Variants in CSMD1 observed in about 807,000 individuals in gnomAD.
CSMD1 encodes the protein CUB and Sushi multiple domains 1.
A neutral mutation model predicts 417.5 loss-of-function variants in CSMD1; 213 were observed. The ratio of observed to expected loss-of-function variants is 0.51; its 90% confidence interval spans 0.46 to 0.57. The LOEUF is 0.57. Ranked by LOEUF, CSMD1 falls within the 20% of genes least tolerant of loss-of-function variation. The probability of loss-of-function intolerance (pLI) is 0.00; values close to 1 mark genes in which losing one functional copy is unlikely to be tolerated. For synonymous variants in CSMD1, 2,862 were observed against 1,736.8 expected, an observed-to-expected ratio of 1.65 and a Z score of -16.11; for missense variants, 6,923 against 4,529.7, an observed-to-expected ratio of 1.53 and a Z score of -15.17.
chr8:3,048,082 A>G (rs890412665), intron 50 of CSMD1, among the ~76,000 whole-genome samples: 1 of 152,224 alleles, frequency 6.6e-6, no homozygotes, highest in Non-Finnish European at 1.5e-5. Flanking sequence ...CACTGAGATG[A>G]TGTATCTGTG....
chr8:4,156,859 T>A (rs192815028), intron 3 of CSMD1, among the ~76,000 whole-genome samples: 1 of 152,186 alleles, frequency 6.6e-6, no homozygotes, highest in Non-Finnish European at 1.5e-5. Context: ...TTTTAATTTA[T>A]CTGAGCTTAA....
intron 2 of CSMD1, among the ~76,000 whole-genome samples, chr8:4,545,669 G>A (rs950359682): frequency 9.2e-5 from 14 of 152,270 alleles, no homozygotes; most frequent in African/African-American, 3.4e-4. Flanking sequence ...TTCCCAGTGT[G>A]CAGTGAGACA....
intron 33 of CSMD1, among the ~76,000 whole-genome samples, chr8:3,192,552 T>A (rs944421876): frequency 6.6e-6 from 1 of 152,228 alleles, no homozygotes; most frequent in Admixed American, 6.5e-5. Flanking sequence ...GCCCTTTAAA[T>A]AGGTCACGAG....
At chr8:3,621,395 A>G (rs1245248108) in intron 7 of CSMD1, among the ~76,000 whole-genome samples, 1 of 152,156 alleles carries the variant, frequency 6.6e-6, no homozygotes, top group Non-Finnish European at 1.5e-5. Context: ...TCAAAGTCAG[A>G]GAGCCAGAAA....
intron 1 of CSMD1, among the ~76,000 whole-genome samples, chr8:4,979,819 C>G (rs1810775071): frequency 6.6e-6 from 1 of 152,134 alleles, no homozygotes. Context: ...GGGTGGATCA[C>G]TAGGTCAGCA....
At chr8:3,733,265 C>CAT (rs1217210972) in intron 6 of CSMD1, among the ~76,000 whole-genome samples, 25 of 136,760 alleles carry the variant, frequency 1.8e-4, no homozygotes, top group Middle Eastern at 3.9e-3. Context: ...TATACACATA[C>CAT]ACATATTTAT....
chr8:3,925,648 C>G (rs1019483418), intron 5 of CSMD1, among the ~76,000 whole-genome samples: 12 of 152,096 alleles, frequency 7.9e-5, no homozygotes, highest in South Asian at 2.1e-4. Flanking sequence ...ATGGGCTTAT[C>G]AGAGGTTTCC....
At chr8:4,122,907 C>G (rs1802566079) in intron 3 of CSMD1, among the ~76,000 whole-genome samples, 1 of 152,196 alleles carries the variant, frequency 6.6e-6, no homozygotes, top group South Asian at 2.1e-4. Context: ...CTACGAGACC[C>G]TTTAAGGACA....
intron 5 of CSMD1, among the ~76,000 whole-genome samples, chr8:3,972,330 G>A (rs1318166893): frequency 2.0e-5 from 3 of 152,188 alleles, no homozygotes; most frequent in East Asian, 1.9e-4. Flanking sequence ...TTCCAAGATT[G>A]TCACTTTTTC....
intron 12 of CSMD1, among the ~76,000 whole-genome samples, chr8:3,466,268 T>C (rs1260700221): frequency 6.6e-6 from 1 of 152,124 alleles, no homozygotes; most frequent in African/African-American, 2.4e-5. Context: ...AAGGTTCAGT[T>C]ACTGGGCAGC....
intron 3 of CSMD1, among the ~76,000 whole-genome samples, chr8:4,264,149 T>C (rs147210269): frequency 4.6e-5 from 7 of 152,336 alleles, no homozygotes; most frequent in Admixed American, 4.6e-4. Context: ...CACCTACTAC[T>C]CAGCTCTTGG....
intron 38 of CSMD1, among the ~76,000 whole-genome samples, chr8:3,161,666 G>C (rs889958395): frequency 1.4e-5 from 2 of 145,478 alleles, no homozygotes; most frequent in Non-Finnish European, 1.5e-5. Flanking sequence ...ATAGAAGATA[G>C]TAAAAGTTCA....
chr8:4,014,407 A>T (rs1267586198), intron 4 of CSMD1, among the ~76,000 whole-genome samples: 1 of 152,152 alleles, frequency 6.6e-6, no homozygotes, highest in East Asian at 1.9e-4. Context: ...ATGATTTAAC[A>T]CTAATCTTCT....
intron 48 of CSMD1, 28 bp from the exon 49 acceptor site, chr8:3,087,313 T>A: frequency 6.2e-7 from 1 of 1,606,696 alleles, no homozygotes; most frequent in Non-Finnish European, 8.5e-7. Flanking sequence ...CACACAGAAA[T>A]AAGTCAACAA....
intron 3 of CSMD1, among the ~76,000 whole-genome samples, chr8:4,082,494 C>A (rs977779765): frequency 1.3e-5 from 2 of 152,032 alleles, no homozygotes; most frequent in Admixed American, 6.6e-5. Flanking sequence ...ATTTTGATAA[C>A]AAAGTCTGTC....
rs72331833 is a variant in CSMD1 at position 3,720,620 on chromosome 8, T to TTCACACACACACACAC, written c.932-12130_932-12129insGTGTGTGTGTGTGTGA. Among the ~76,000 whole-genome samples, 1,230 of 143,404 alleles carry TTCACACACACACACAC rather than the reference T, an allele frequency of 8.6e-3. 15 individuals carry two copies. Among genetic ancestry groups the TTCACACACACACACAC allele is most frequent in the Middle Eastern group, 0.017 (5 of 288 alleles). 94.1% of individuals were successfully genotyped at this position (143,404 alleles called of 152,430 possible). A position where few individuals can be genotyped will look rare whatever the true frequency, so the allele number is the denominator to read the frequency against. ...CATTGGTGGTCAAAGTCTTTATTCT[T>TTCACACACACACACAC]ACACACACACACACACACACACACA... On this transcript the variant is annotated intron_variant, in intron 6 of 69. Coordinates refer to ENST00000635120, the MANE Select transcript of CSMD1 (RefSeq NM_033225.6).
intron 3 of CSMD1, among the ~76,000 whole-genome samples, chr8:4,181,869 T>A (rs894295477): frequency 2.6e-5 from 4 of 152,168 alleles, no homozygotes; most frequent in African/African-American, 9.7e-5. Flanking sequence ...TTTAGCCTAG[T>A]TGATTATAAC....
chr8:4,158,471 C>G (rs1242985324), intron 3 of CSMD1, among the ~76,000 whole-genome samples: 7 of 152,108 alleles, frequency 4.6e-5, no homozygotes, highest in Non-Finnish European at 1.0e-4. Flanking sequence ...AATACAGCCG[C>G]TAGTGCAGTC....
intron 5 of CSMD1, among the ~76,000 whole-genome samples, chr8:3,800,872 C>T (rs1327275273): frequency 6.6e-6 from 1 of 152,096 alleles, no homozygotes; most frequent in Non-Finnish European, 1.5e-5. Flanking sequence ...GAGACTGGTG[C>T]CATGCTTCTG....
Sources: gnomAD v4.1 joint callset for allele counts (sites outside exome capture counted in the v4.1 genomes callset) on GRCh38, gnomAD v4.1.1 for gene constraint, MANE v1.5 for transcripts, NCBI Gene and HGNC (gene_info 2026-07-23, HGNC 2026-07-21) for gene names.